Variants in ZNF43 observed in about 807,000 individuals in gnomAD.
ZNF43 encodes zinc finger protein 43.
In ZNF43, 44 loss-of-function variants were observed where a neutral mutation model predicts 68.4. The ratio of observed to expected loss-of-function variants is 0.64; its 90% CI spans 0.51 to 0.83. The LOEUF (loss-of-function observed/expected upper bound fraction) is 0.83. ZNF43 is among the 40% of genes least tolerant of loss of function. ZNF43 has a pLI of 0.00. For synonymous variants in ZNF43, 308 were observed against 307.8 expected, an observed-to-expected ratio of 1.00 and a Z score of -0.01; for missense variants, 896 against 933.2, an observed-to-expected ratio of 0.96 and a Z score of 0.52.
chr19:21,849,446 C>T (rs1388301124), intron 1 of ZNF43, among the ~76,000 whole-genome samples: 1 of 142,888 alleles, frequency 7.0e-6, no homozygotes, highest in African/African-American at 2.6e-5. Context: ...CAAGATCTCG[C>T]CATTGTACTC....
At chr19:21,837,415 CTTTTT>C (rs539940868), upstream of ZNF43, among the ~76,000 whole-genome samples, 124 of 83,966 alleles carry the variant, frequency 1.5e-3, 2 homozygotes, top group South Asian at 0.027. Flanking sequence ...CCTACACTTA[CTTTTT>C]TTTTTTTTTT....
chr19:21,816,556 CCA>C (rs2037537341), intron 3 of ZNF43, among the ~76,000 whole-genome samples: 1 of 152,116 alleles, frequency 6.6e-6, no homozygotes, highest in Non-Finnish European at 1.5e-5. Context: ...CTGCTTCCAG[CCA>C]CAGTTTGGGA....
chr19:21,824,279 ACC>A (rs2038000639), intron 1 of ZNF43, among the ~76,000 whole-genome samples: 1 of 151,944 alleles, frequency 6.6e-6, no homozygotes, highest in African/African-American at 2.4e-5. Flanking sequence ...AGACAAAAAT[ACC>A]CTACTCCAGT....
chr19:21,817,223 TAA>T (rs571622011), intron 3 of ZNF43, among the ~76,000 whole-genome samples: 23 of 135,316 alleles, frequency 1.7e-4, no homozygotes, highest in Non-Finnish European at 2.1e-4. Flanking sequence ...CCTCTGTCTT[TAA>T]AAAAAAAAAA....
In ZNF43 at chr19:21,817,963, G is replaced by A; in HGVS notation, c.154C>T (p.Leu52=). ...TTTTCTTGCTCCAGACAGGTGATCA[G>A]GTCTGGCTTAGAGACAGCAATACCT... The part of the protein sequence containing the change: ...FLGIAVSKPD[L]ITCLEQEKEP... The change falls in exon 3 of 4, where the codon CTG becomes TTG. Residue 52 remains leucine (L), a synonymous_variant. Coordinates refer to ENST00000354959, the MANE Select transcript of ZNF43 (RefSeq NM_003423.4). The A allele has an allele frequency of 6.2e-7, 1 of 1,613,364 alleles. No homozygotes were observed. The highest frequency in any genetic ancestry group is 8.5e-7 in the Non-Finnish European group (1 of 1,179,548).
At chr19:21,844,347 C>CA (rs57500822) in intron 1 of ZNF43, among the ~76,000 whole-genome samples, 6,918 of 42,448 alleles carry the variant, frequency 0.16, 649 homozygotes, top group Middle Eastern at 0.22. Context: ...GACTCTGTCT[C>CA]AAAAAAAAAA....
chr19:21,845,907 A>AG (rs2145417270), intron 1 of ZNF43, among the ~76,000 whole-genome samples: 1 of 151,152 alleles, frequency 6.6e-6, no homozygotes, highest in South Asian at 2.1e-4. Context: ...AAAAAAAAAA[A>AG]GGATGCAGGG....
chr19:21,821,124 C>T (rs1158883839), intron 1 of ZNF43, among the ~76,000 whole-genome samples: 1 of 150,428 alleles, frequency 6.6e-6, no homozygotes, highest in Non-Finnish European at 1.5e-5. Flanking sequence ...CATGAGCCAC[C>T]ACACCCGGCT....
chr19:21,844,149 CATG>C (rs1164095493), intron 1 of ZNF43, among the ~76,000 whole-genome samples: 5 of 151,882 alleles, frequency 3.3e-5, no homozygotes, highest in Admixed American at 3.3e-4. Context: ...GCAGGTGGAT[CATG>C]AGGTCAGTAG....
intron 1 of ZNF43, among the ~76,000 whole-genome samples, chr19:21,828,486 G>A (rs554938021): frequency 1.8e-4 from 28 of 152,044 alleles, no homozygotes; most frequent in African/African-American, 1.2e-4. Context: ...AAGCTGAGGC[G>A]GGTGGATCAC....
At chr19:21,842,690 T>C (rs548725108) in intron 1 of ZNF43, among the ~76,000 whole-genome samples, 3 of 152,242 alleles carry the variant, frequency 2.0e-5, no homozygotes, top group African/African-American at 7.2e-5. Context: ...GACTGAGGCA[T>C]GGAACAAAAT....
chr19:21,832,116 T>G (rs749371240), intron 1 of ZNF43, among the ~76,000 whole-genome samples: 1 of 152,130 alleles, frequency 6.6e-6, no homozygotes, highest in Non-Finnish European at 1.5e-5. Context: ...AAGCAGTACA[T>G]TACCTGACTT....
chr19:21,821,340 G>A (rs2037835646), intron 1 of ZNF43, among the ~76,000 whole-genome samples: 1 of 151,508 alleles, frequency 6.6e-6, no homozygotes, highest in African/African-American at 2.4e-5. Flanking sequence ...TCGTAGAGAC[G>A]GGGTTTCACC....
chr19:21,836,636 G>A (rs768679333), upstream of ZNF43, among the ~76,000 whole-genome samples: 15 of 152,202 alleles, frequency 9.9e-5, no homozygotes, highest in Non-Finnish European at 2.1e-4. Context: ...CCAGGCTGGA[G>A]TGCAGGGTCA....
chr19:21,833,786 G>C (rs2038544102), intron 1 of ZNF43, among the ~76,000 whole-genome samples: 1 of 151,956 alleles, frequency 6.6e-6, no homozygotes, highest in South Asian at 2.1e-4. Flanking sequence ...TCAGCACTTT[G>C]GGAGGCCGAG....
At position 21,807,935 on chromosome 19, in the gene ZNF43, G is replaced by T; in HGVS notation, c.2102C>A (p.Thr701Asn). 6.2e-7 allele frequency: 1 copy of T among 1,612,896 alleles called. No homozygotes were observed. ...TTCACATTTGTAGGGTTTCTCTCCAGTATGAATAATCTTATGTGTAGAAAG... is the reference window on the plus strand; with the variant it reads ...TTCACATTTGTAGGGTTTCTCTCCATTATGAATAATCTTATGTGTAGAAAG... ...STLSTHKIIH[T>N]GEKPYKCEKC... Residue 701 changes from threonine to asparagine, a missense_variant, in exon 4 of 4, where the codon ACT becomes AAT. Transcript: ENST00000354959.
intron 1 of ZNF43, among the ~76,000 whole-genome samples, chr19:21,820,114 G>A (rs1402069184): frequency 2.2e-5 from 3 of 139,176 alleles, no homozygotes; most frequent in Non-Finnish European, 4.6e-5. Flanking sequence ...CAAGAGAATC[G>A]CTTGAACCCG....
chr19:21,839,047 AC>A (rs576201575), upstream of ZNF43: 1 of 151,854 alleles, frequency 6.6e-6, no homozygotes, highest in African/African-American at 2.4e-5. Flanking sequence ...GGAGCTTCCC[AC>A]CCCCTAGATG....
upstream of ZNF43, chr19:21,836,348 C>G: frequency 9.9e-7 from 1 of 1,010,708 alleles, no homozygotes; most frequent in Non-Finnish European, 1.3e-6. Flanking sequence ...GAAAGAATGA[C>G]AGCCTAGGCT....
Sources: allele counts gnomAD v4.1 joint callset (sites outside exome capture counted in the v4.1 genomes callset), GRCh38; gene constraint gnomAD v4.1.1; transcripts MANE v1.5; gene names NCBI Gene and HGNC (gene_info 2026-07-23, HGNC 2026-07-21).